The following GDF7 variants were observed in gnomAD, a reference collection of about 807,000 sequenced individuals.
The protein encoded by GDF7 is growth differentiation factor 7, also known as growth/differentiation factor 7.
GDF7 carries 12 observed loss-of-function variants against 13.4 expected under a neutral mutation model. The ratio of observed to expected loss-of-function variants is 0.90; its 90% CI spans 0.57 to 1.45. GDF7 has a LOEUF of 1.45. GDF7 is among the 40% of genes most tolerant of loss of function. The pLI, the probability that GDF7 is intolerant of heterozygous loss-of-function variation, is 0.00. For synonymous variants in GDF7, 330 were observed against 306.4 expected (o/e 1.08, Z -0.80); for missense variants, 651 against 652.4 (o/e 1.00, Z 0.02).
rs574930746 is a variant in GDF7, at chr2:20,672,058, AAGT to A, written c.*636_*638del. On this transcript the variant is annotated 3_prime_UTR_variant, in exon 2 of 2. Transcript: ENST00000272224. ...TTTTTGAAAGGGAAGTTTTGTCTGA[AAGT>A]AGCTGTTGTGGAGCTTCCCAGATTT... The A allele has an allele frequency of 6.7e-6, 1 of 150,024 alleles. No homozygotes were observed. Among genetic ancestry groups the A allele is most frequent in the South Asian group, 2.1e-4 (1 of 4,756 alleles). The allele number at this position is 150,024 out of a possible 1,614,324, so 9.3% of individuals were successfully genotyped here.
chr2:20,670,705 C>G lies in GDF7; in HGVS notation c.633C>G (p.Phe211Leu). Reference protein sequence around the residue: ...EPLVGQRWEAFDVADAMRRHR... With the variant: ...EPLVGQRWEALDVADAMRRHR... ...TAGTCGGTCAGCGCTGGGAGGCGTT[C>G]GACGTGGCGGACGCCATGAGGCGCC... The change falls in exon 2 of 2, where the codon TTC becomes TTG. Residue 211 changes from phenylalanine to leucine, a missense_variant. Around this residue, in one of 4 missense-constraint regions of GDF7, gnomAD observed 487 missense variants for 445.9 expected, o/e 1.09. Transcript: ENST00000272224. 2 of 1,479,026 alleles carry G rather than the reference C, an allele frequency of 1.4e-6. No individual in the cohort carries two copies. The highest frequency in any genetic ancestry group is 1.8e-6 in the Non-Finnish European group (2 of 1,120,326). The allele number at this position is 1,479,026 out of a possible 1,614,324, so 91.6% of individuals were successfully genotyped here.
In GDF7 at chr2:20,673,394, G is replaced by T. The variant is rs1662165521; in HGVS notation, c.*1969G>T. 1 of 151,944 alleles carries T rather than the reference G, an allele frequency of 6.6e-6. No individual in the cohort carries two copies. Among genetic ancestry groups the T allele is most frequent in the Admixed American group, 6.6e-5 (1 of 15,246 alleles). 9.4% of individuals were successfully genotyped at this position (151,944 alleles called of 1,614,324 possible). On this transcript the variant is annotated 3_prime_UTR_variant, in exon 2 of 2. Transcript: ENST00000272224. ...CAATTCCATCTTATTTTAGTGACTG[G>T]GCAAAGATGGTCCCTAAATTTGTGG... is the stretch of plus-strand genomic sequence containing the variant.
chr2:20,671,418 G>C lies in GDF7; in HGVS notation c.1346G>C (p.Cys449Ser). The C allele has an allele frequency of 6.2e-7, 1 of 1,610,516 alleles. No homozygotes were observed. The highest frequency in any genetic ancestry group is 8.5e-7 in the Non-Finnish European group (1 of 1,178,622). The change falls in exon 2 of 2, where the codon TGC becomes TCC. Residue 449 changes from cysteine (C) to serine (S), a missense_variant. Cys to Ser is a moderately radical substitution (Grantham distance 112, BLOSUM62 -1). This residue lies in a region of GDF7 where 101 missense variants were observed against 139.2 expected (regional missense o/e 0.73). Transcript: ENST00000272224. The stretch of plus-strand genomic sequence containing the variant: ...GACATGGTGGTGGAGGCCTGCGGCT[G>C]CAGGTAGCGCGAGGGCCGGGGAGGG... ...YEDMVVEACG[C>S]R is the part of the protein sequence containing the mutation.
chr2:20,670,841 G>T lies in GDF7; in HGVS notation c.769G>T (p.Gly257Ter). 1 of 1,497,146 alleles carries T rather than the reference G, an allele frequency of 6.7e-7. No homozygotes were observed. Among genetic ancestry groups the T allele is most frequent in the Non-Finnish European group, 8.9e-7 (1 of 1,129,876 alleles). The allele number at this position is 1,497,146 out of a possible 1,614,324, so 92.7% of individuals were successfully genotyped here. A position where few individuals can be genotyped will look rare whatever the true frequency, so the allele number is the denominator to read the frequency against. Residue 257 changes from glycine to a stop codon, truncating the protein, a stop_gained, in exon 2 of 2, where the codon GGA (glycine) becomes TGA (stop). Transcript: ENST00000272224. LOFTEE classifies it low-confidence loss of function (END_TRUNC). ...GCGGCTGGGCTTCGGCTGGCCGGGC[G>T]GAGGGGGCTCTGCGGCAGAGGAGCG... The part of the protein sequence containing the change: ...LRRLGFGWPG[G>*]GGSAAEERAV...
Position 20,671,271 on chromosome 2 carries a change from C to T in GDF7, c.1199C>T (p.Thr400Met), listed in dbSNP as rs1441708083. ...LEPTNHAIIQ[T>M]LLNSMAPDAA... ...CCCACCAACCATGCCATCATTCAGA[C>T]GCTGCTCAACTCCATGGCACCAGAC... The change falls in exon 2 of 2, where the codon ACG becomes ATG. Residue 400 changes from threonine (T) to methionine (M), a missense_variant. This residue lies in a region of GDF7 where 101 missense variants were observed against 139.2 expected (regional missense o/e 0.73). Transcript: ENST00000272224. 1.9e-6 allele frequency: 3 copies of T among 1,613,840 alleles called. No homozygotes were observed. Among genetic ancestry groups the T allele is most frequent in the Non-Finnish European group, 2.5e-6 (3 of 1,179,974 alleles).
At position 20,667,779 on chromosome 2, in the gene GDF7, A is replaced by C; in HGVS notation, c.391+149A>C. The C allele has an allele frequency of 3.9e-6, 2 of 513,400 alleles. No homozygotes were observed. The highest frequency in any genetic ancestry group is 6.0e-6 in the Non-Finnish European group (2 of 331,806). 31.8% of individuals were successfully genotyped at this position (513,400 alleles called of 1,614,324 possible). A position where few individuals can be genotyped will look rare whatever the true frequency, so the allele number is the denominator to read the frequency against. On this transcript the variant is annotated intron_variant, in intron 1 of 1. Coordinates refer to ENST00000272224, the MANE Select transcript of GDF7 (RefSeq NM_182828.4). The surrounding 1 kb of genome is among the most constrained non-coding windows in gnomAD (Gnocchi z 6.4). Reference sequence around the variant, plus strand: ...AGAAAGAAACTTCGCCGAGGCCAACACTCTCCAGCCCGCTGCACCTGGACT... The same window carrying C: ...AGAAAGAAACTTCGCCGAGGCCAACCCTCTCCAGCCCGCTGCACCTGGACT...
chr2:20,671,810 G>T lies in GDF7; in HGVS notation c.*385G>T, dbSNP rs994906022. On this transcript the variant is annotated 3_prime_UTR_variant, in exon 2 of 2. Coordinates refer to ENST00000272224, the MANE Select transcript of GDF7 (RefSeq NM_182828.4). ...GAAGTTCCAGAATGGGAGAACCAAA[G>T]GGGTACTCGAGCATGCTTTATCTCA... 4.7e-5 allele frequency: 12 copies of T among 256,048 alleles called. No homozygotes were observed. Among genetic ancestry groups the T allele is most frequent in the Admixed American group, 1.6e-4 (3 of 19,324 alleles). 15.9% of individuals were successfully genotyped at this position (256,048 alleles called of 1,614,324 possible).
At position 20,672,033 on chromosome 2, in the gene GDF7, T is replaced by C. The variant is rs946900904; in HGVS notation, c.*608T>C. Reference sequence around the variant, plus strand: ...TAAAATTTAACGTGCCCCTGCTTCATTTTTGAAAGGGAAGTTTTGTCTGAA... The same window carrying C: ...TAAAATTTAACGTGCCCCTGCTTCACTTTTGAAAGGGAAGTTTTGTCTGAA... On this transcript the variant is annotated 3_prime_UTR_variant, in exon 2 of 2. Transcript: ENST00000272224. The C allele has an allele frequency of 4.6e-5, 7 of 152,216 alleles. No individual in the cohort carries two copies. Among genetic ancestry groups the C allele is most frequent in the African/African-American group, 1.4e-4 (6 of 41,518 alleles). 9.4% of individuals were successfully genotyped at this position (152,216 alleles called of 1,614,324 possible).
Position 20,667,150 on chromosome 2 carries a change from C to T in GDF7, c.-90C>T. ...CCGCGGGCTGGCCGCGCACACTTCC[C>T]CCATTATTAAACACTATGTTCAAAA... On this transcript the variant is annotated 5_prime_UTR_variant, in exon 1 of 2. Coordinates refer to ENST00000272224, the MANE Select transcript of GDF7 (RefSeq NM_182828.4). The surrounding 1 kb of genome is among the most constrained non-coding windows in gnomAD (Gnocchi z 6.4). 4 of 1,025,034 alleles carry T rather than the reference C, an allele frequency of 3.9e-6. No homozygotes were observed. The highest frequency in any genetic ancestry group is 4.7e-6 in the Non-Finnish European group (4 of 854,054). 63.5% of individuals were successfully genotyped at this position (1,025,034 alleles called of 1,614,324 possible). A position where few individuals can be genotyped will look rare whatever the true frequency, so the allele number is the denominator to read the frequency against.
chr2:20,667,378 G>GGCGGCGGCA lies in GDF7; in HGVS notation c.147_148insAGCGGCGGC (p.Gly49_Gly50insSerGlyGly). 1 of 963,310 alleles carries GGCGGCGGCA rather than the reference G, an allele frequency of 1.0e-6. No individual in the cohort carries two copies. Among genetic ancestry groups the GGCGGCGGCA allele is most frequent in the African/African-American group, 1.8e-5 (1 of 55,832 alleles). 59.7% of individuals were successfully genotyped at this position (963,310 alleles called of 1,614,324 possible). A position where few individuals can be genotyped will look rare whatever the true frequency, so the allele number is the denominator to read the frequency against. The stretch of plus-strand genomic sequence containing the variant: ...GAGCCCAGGGGGCGGCGGCGGCGGC[G>GGCGGCGGCA]GCGGCGGCGGGCGGACTCTTGCCCA... On this transcript the variant is annotated inframe_insertion, in exon 1 of 2. Coordinates refer to ENST00000272224, the MANE Select transcript of GDF7 (RefSeq NM_182828.4). This position sits in a 1 kb window ranked among gnomAD's most constrained non-coding sequence, Gnocchi z 6.4.
At position 20,667,641 on chromosome 2, in the gene GDF7, C is replaced by G; in HGVS notation, c.391+11C>G. On this transcript the variant is annotated intron_variant, in intron 1 of 1. Coordinates refer to ENST00000272224, the MANE Select transcript of GDF7 (RefSeq NM_182828.4). The surrounding 1 kb of genome is among the most constrained non-coding windows in gnomAD (Gnocchi z 6.4). ...ACCAGGCGACCCAAGGTACTTACGC[C>G]TCTTCTGTGCCCGCCCATCCCGTCA... 1 of 1,435,132 alleles carries G rather than the reference C, an allele frequency of 7.0e-7. No individual in the cohort carries two copies. Among genetic ancestry groups the G allele is most frequent in the Non-Finnish European group, 9.1e-7 (1 of 1,097,224 alleles). The allele number at this position is 1,435,132 out of a possible 1,614,324, so 88.9% of individuals were successfully genotyped here. A position where few individuals can be genotyped will look rare whatever the true frequency, so the allele number is the denominator to read the frequency against.
In GDF7 at chr2:20,672,115, C is replaced by G. The variant is rs759402504; in HGVS notation, c.*690C>G. ...CAAAGGTCGGTACCGCCACCCCCCC[C>G]CCCCCCCCCGCCTTTTTTTTTTTTT... is the stretch of plus-strand genomic sequence containing the variant. On this transcript the variant is annotated 3_prime_UTR_variant, in exon 2 of 2. Coordinates refer to ENST00000272224, the MANE Select transcript of GDF7 (RefSeq NM_182828.4). 3 of 135,398 alleles carry G rather than the reference C, an allele frequency of 2.2e-5. No homozygotes were observed. Among genetic ancestry groups the G allele is most frequent in the African/African-American group, 5.9e-5 (2 of 33,894 alleles). The allele number at this position is 135,398 out of a possible 1,614,324, so 8.4% of individuals were successfully genotyped here. A position where few individuals can be genotyped will look rare whatever the true frequency, so the allele number is the denominator to read the frequency against.
In GDF7 at chr2:20,670,543, C is replaced by A; in HGVS notation, c.471C>A (p.Ala157=). The change falls in exon 2 of 2, where the codon GCC becomes GCA. Residue 157 remains alanine (A), a synonymous_variant. Transcript: ENST00000272224. ...SLNDADEVVG[A]ELRVLRRGSP... is the part of the protein sequence containing the mutation. The stretch of plus-strand genomic sequence containing the variant: ...ACGACGCAGACGAGGTGGTGGGTGC[C>A]GAGCTGCGCGTGCTGCGCCGGGGAT... 1.2e-6 allele frequency: 2 copies of A among 1,605,076 alleles called. No individual in the cohort carries two copies. Among genetic ancestry groups the A allele is most frequent in the Non-Finnish European group, 1.7e-6 (2 of 1,176,964 alleles).
chr2:20,678,151 T>C lies in GDF7; in HGVS notation c.*6726T>C, dbSNP rs1662265426. The C allele has an allele frequency of 6.6e-6, 1 of 152,240 alleles. No homozygotes were observed. Among genetic ancestry groups the C allele is most frequent in the South Asian group, 2.1e-4 (1 of 4,838 alleles). 9.4% of individuals were successfully genotyped at this position (152,240 alleles called of 1,614,324 possible). ...AAAGCTCAGGATAAAATATGTTTTC[T>C]GGAGGGGAAATACTCAAGTGTTCTA... On this transcript the variant is annotated 3_prime_UTR_variant, in exon 2 of 2. Coordinates refer to ENST00000272224, the MANE Select transcript of GDF7 (RefSeq NM_182828.4).
Position 20,667,682 on chromosome 2 carries a change from C to G in GDF7, c.391+52C>G. On this transcript the variant is annotated intron_variant, in intron 1 of 1. Transcript: ENST00000272224. This position sits in a 1 kb window ranked among gnomAD's most constrained non-coding sequence, Gnocchi z 6.4. Reference sequence around the variant, plus strand: ...CATCCCGTCAGGTCCTGGGCTGAGACCAGCCCCGGAGCCGTGCCGCAGCTC... The same window carrying G: ...CATCCCGTCAGGTCCTGGGCTGAGAGCAGCCCCGGAGCCGTGCCGCAGCTC... 1 of 1,290,452 alleles carries G rather than the reference C, an allele frequency of 7.7e-7. No homozygotes were observed. The highest frequency in any genetic ancestry group is 9.9e-7 in the Non-Finnish European group (1 of 1,010,576). The allele number at this position is 1,290,452 out of a possible 1,614,324, so 79.9% of individuals were successfully genotyped here.
Position 20,673,510 on chromosome 2 carries a change from G to T in GDF7, c.*2085G>T, listed in dbSNP as rs371830596. Reference sequence around the variant, plus strand: ...TAAAAAAAGCACTGAAGTGTTGAAAGTTGTAGTATTAGAAGGTTTAGAAAG... The same window carrying T: ...TAAAAAAAGCACTGAAGTGTTGAAATTTGTAGTATTAGAAGGTTTAGAAAG... On this transcript the variant is annotated 3_prime_UTR_variant, in exon 2 of 2. Transcript: ENST00000272224. The T allele has an allele frequency of 1.8e-4, 28 of 152,322 alleles. No homozygotes were observed. Among genetic ancestry groups the T allele is most frequent in the Admixed American group, 1.0e-3 (16 of 15,302 alleles). 9.4% of individuals were successfully genotyped at this position (152,322 alleles called of 1,614,324 possible).
In GDF7 at chr2:20,667,438, G is replaced by A. The variant is rs2149310253; in HGVS notation, c.199G>A (p.Val67Ile). 1 of 1,080,220 alleles carries A rather than the reference G, an allele frequency of 9.3e-7. No individual in the cohort carries two copies. The highest frequency in any genetic ancestry group is 5.1e-5 in the East Asian group (1 of 19,514). 66.9% of individuals were successfully genotyped at this position (1,080,220 alleles called of 1,614,324 possible). Residue 67 changes from valine to isoleucine, a missense_variant, in exon 1 of 2, where the codon GTT (valine) becomes ATT (isoleucine). By Grantham distance (29) the Val-to-Ile change is conservative (BLOSUM62 3). Coordinates refer to ENST00000272224, the MANE Select transcript of GDF7 (RefSeq NM_182828.4). The surrounding 1 kb of genome is among the most constrained non-coding windows in gnomAD (Gnocchi z 6.4). ...AGAAAVPAAAVPRARAARRAA... is the reference protein window; with the variant it reads ...AGAAAVPAAAIPRARAARRAA... Reference sequence around the variant, plus strand: ...CGCCGCGGCTGTCCCGGCCGCCGCGGTTCCCCGGGCCCGCGCCGCGCGCCG... The same window carrying A: ...CGCCGCGGCTGTCCCGGCCGCCGCGATTCCCCGGGCCCGCGCCGCGCGCCG...
At position 20,671,465 on chromosome 2, in the gene GDF7, C is replaced by A; in HGVS notation, c.*40C>A. On this transcript the variant is annotated 3_prime_UTR_variant, in exon 2 of 2. Transcript: ENST00000272224. Reference sequence around the variant, plus strand: ...AGGGGGCAGCCACGCGGCCGAGGATCCCCAGCTGATGAGCAGCAGCGGGCC... The same window carrying A: ...AGGGGGCAGCCACGCGGCCGAGGATACCCAGCTGATGAGCAGCAGCGGGCC... The A allele has an allele frequency of 1.3e-6, 2 of 1,586,780 alleles. No individual in the cohort carries two copies. The highest frequency in any genetic ancestry group is 1.2e-5 in the South Asian group (1 of 86,524).
chr2:20,669,141 G>A (rs1662050998), intron 1 of GDF7, among the ~76,000 whole-genome samples: 2 of 152,200 alleles, frequency 1.3e-5, no homozygotes, highest in Admixed American at 6.5e-5. Flanking sequence ...AGGATCTGCA[G>A]GGAATCTCAG....
Sources: allele counts gnomAD v4.1 joint callset (sites outside exome capture counted in the v4.1 genomes callset), GRCh38; gene constraint gnomAD v4.1.1; regional missense constraint gnomAD v4.1.1; non-coding constraint Gnocchi (gnomAD v3.1); transcripts MANE v1.5; gene names NCBI Gene and HGNC (gene_info 2026-07-23, HGNC 2026-07-21).